TSPAN15: variants seen among roughly 807,000 people sequenced by gnomAD.
TSPAN15 encodes the protein tetraspanin 15, also known as tetraspanin-15.
A neutral mutation model predicts 34.5 loss-of-function variants in TSPAN15; 20 were observed. The observed-to-expected ratio is 0.58, with a 90% CI of 0.41 to 0.84. The LOEUF is 0.84. Among genes scored for constraint, TSPAN15 ranks in the 40% least tolerant of loss-of-function variants. The probability of loss-of-function intolerance (pLI) is 0.00; values close to 1 mark genes in which losing one functional copy is unlikely to be tolerated. For missense variants in TSPAN15, 313 were observed against 386.1 expected (o/e 0.81, Z 1.59); for synonymous variants, 155 against 153.9 (o/e 1.01, Z -0.05).
chr10:69,484,696 C>T (rs1295521702), intron 2 of TSPAN15, among the ~76,000 whole-genome samples: 9 of 152,162 alleles, frequency 5.9e-5, no homozygotes, highest in African/African-American at 2.2e-4. Flanking sequence ...CTCTAAGCTT[C>T]AGCCATCCCC....
chr10:69,536,673 T>G, the TSPAN15 span, among the ~76,000 whole-genome samples: 3 of 152,094 alleles, frequency 2.0e-5, no homozygotes, highest in Admixed American at 2.0e-4. Context: ...ATTCCTGATG[T>G]CTCTCTCTTC....
At chr10:69,462,155 G>GT (rs755068937) in intron 1 of TSPAN15, among the ~76,000 whole-genome samples, 1,138 of 82,684 alleles carry the variant, frequency 0.014, 87 homozygotes, top group East Asian at 0.018. Context: ...TAATTTTAAA[G>GT]TTTTTTTTTT....
At chr10:69,499,837 G>A (rs55935776) in intron 5 of TSPAN15, among the ~76,000 whole-genome samples, 5,414 of 152,218 alleles carry the variant, frequency 0.036, 168 homozygotes, top group Non-Finnish European at 0.051. Flanking sequence ...AAGAACAGCT[G>A]TGCAAAGGCC....
At chr10:69,459,105 C>CAAAAAAAAAAAAA (rs1259881929) in intron 1 of TSPAN15, among the ~76,000 whole-genome samples, 3 of 57,704 alleles carry the variant, frequency 5.2e-5, no homozygotes, top group Admixed American at 2.0e-4. Flanking sequence ...ACAAAACAGA[C>CAAAAAAAAAAAAA]AAAAAAAAAA....
At chr10:69,530,839 TATA>T in the TSPAN15 span, among the ~76,000 whole-genome samples, 2 of 116,350 alleles carry the variant, frequency 1.7e-5, no homozygotes, top group African/African-American at 6.9e-5. Flanking sequence ...TATATATATA[TATA>T]TATATATATA....
intron 1 of TSPAN15, among the ~76,000 whole-genome samples, chr10:69,467,724 G>A (rs1841418517): frequency 6.6e-6 from 1 of 151,828 alleles, no homozygotes; most frequent in South Asian, 2.1e-4. Context: ...GTGAAAGAAT[G>A]TTCTTGGATA....
At chr10:69,467,637 A>AACACACACAC (rs36028041) in intron 1 of TSPAN15, among the ~76,000 whole-genome samples, 112 of 78,210 alleles carry the variant, frequency 1.4e-3, no homozygotes, top group African/African-American at 3.2e-3. Context: ...AAAACAAAAC[A>AACACACACAC]ACACACACAC....
intron 1 of TSPAN15, among the ~76,000 whole-genome samples, chr10:69,471,085 G>A (rs1841494761): frequency 1.3e-5 from 2 of 152,188 alleles, no homozygotes; most frequent in South Asian, 2.1e-4. Flanking sequence ...TTTCTTAGTA[G>A]CACTTATAAC....
intron 1 of TSPAN15, among the ~76,000 whole-genome samples, chr10:69,467,549 G>A (rs1310756256): frequency 6.6e-6 from 1 of 152,082 alleles, no homozygotes; most frequent in African/African-American, 2.4e-5. Context: ...AAGAGGTTGA[G>A]GCTGCAGTGA....
chr10:69,522,184 C>A, the TSPAN15 span, among the ~76,000 whole-genome samples: 1 of 146,066 alleles, frequency 6.8e-6, no homozygotes, highest in Non-Finnish European at 1.5e-5. Context: ...AATGGCAAAA[C>A]CCTGTCTCTA....
At chr10:69,544,931 G>A in the TSPAN15 span, among the ~76,000 whole-genome samples, 14 of 152,274 alleles carry the variant, frequency 9.2e-5, no homozygotes, top group South Asian at 2.1e-4. Context: ...CACACAGCGC[G>A]CCCCTTTGTG....
Position 69,507,143 on chromosome 10 carries a change from A to C in TSPAN15, c.*165A>C. 6.9e-7 allele frequency: 1 copy of C among 1,440,492 alleles called. No homozygotes were observed. Among genetic ancestry groups the C allele is most frequent in the Non-Finnish European group, 9.1e-7 (1 of 1,102,430 alleles). 89.2% of individuals were successfully genotyped at this position (1,440,492 alleles called of 1,614,324 possible). On this transcript the variant is annotated 3_prime_UTR_variant, in exon 8 of 8. Transcript: ENST00000373290. ...TAGGTCCCACGGCCTCTGCCTCCCCAGGGAGCAGAGCCTGGGCCTCCCCTA... is the reference window on the plus strand; with the variant it reads ...TAGGTCCCACGGCCTCTGCCTCCCCCGGGAGCAGAGCCTGGGCCTCCCCTA...
chr10:69,539,441 G>GGAAGAAGAAGAAGAAGAAGAA, the TSPAN15 span, among the ~76,000 whole-genome samples: 6 of 65,432 alleles, frequency 9.2e-5, no homozygotes, highest in Middle Eastern at 6.4e-3. Flanking sequence ...AGAAGAAGAA[G>GGAAGAAGAAGAAGAAGAAGAA]GAAGAAGAAG....
At chr10:69,474,117 C>T (rs1200579931) in intron 1 of TSPAN15, among the ~76,000 whole-genome samples, 3 of 152,136 alleles carry the variant, frequency 2.0e-5, no homozygotes, top group African/African-American at 4.8e-5. Flanking sequence ...CTCACATCCT[C>T]GGCTCCTGCT....
At chr10:69,539,356 AT>A in the TSPAN15 span, among the ~76,000 whole-genome samples, 3 of 149,666 alleles carry the variant, frequency 2.0e-5, no homozygotes, top group African/African-American at 7.3e-5. Context: ...TAAAGAACTC[AT>A]TCATGTAACA....
rs1564595385 is a variant in TSPAN15 at position 69,455,519 on chromosome 10, C to CTCT, written c.96+3829_96+3830insTCT. ...TTAGGTTGTTCCCAGTCTTTCTTTC[C>CTCT]CTCTCTTTCTTTCTCTTTCTTTCTT... On this transcript the variant is annotated intron_variant, in intron 1 of 7. Transcript: ENST00000373290. Among the ~76,000 whole-genome samples, 376 of 142,702 alleles carry CTCT rather than the reference C, an allele frequency of 2.6e-3. 13 individuals carry two copies. The highest frequency in any genetic ancestry group is 4.0e-3 in the Non-Finnish European group (256 of 64,712). The allele number at this position is 142,702 out of a possible 152,430, so 93.6% of individuals were successfully genotyped here.
chr10:69,507,723 C>G, downstream of TSPAN15: 1 of 1,154,604 alleles, frequency 8.7e-7, no homozygotes, highest in South Asian at 1.5e-5. Flanking sequence ...AAGGCTGCAA[C>G]CTGGATTTGG....
chr10:69,485,460 G>T (rs930530574), intron 3 of TSPAN15, among the ~76,000 whole-genome samples: 2 of 152,206 alleles, frequency 1.3e-5, no homozygotes, highest in Non-Finnish European at 2.9e-5. Context: ...AGCCAGCTGA[G>T]TGAGGTCCCA....
At chr10:69,459,105 CAAAAA>C (rs1259881929) in intron 1 of TSPAN15, among the ~76,000 whole-genome samples, 2 of 57,734 alleles carry the variant, frequency 3.5e-5, no homozygotes, top group African/African-American at 5.5e-5. Context: ...ACAAAACAGA[CAAAAA>C]AAAAAAAAAA....
Sources: gnomAD v4.1 joint callset for allele counts (sites outside exome capture counted in the v4.1 genomes callset) on GRCh38, gnomAD v4.1.1 for gene constraint, MANE v1.5 for transcripts, NCBI Gene and HGNC (gene_info 2026-07-23, HGNC 2026-07-21) for gene names.